FREM1: variants seen among roughly 807,000 people sequenced by gnomAD.
FREM1 encodes the protein FRAS1-related extracellular matrix protein 1.
Under a neutral mutation model 210.1 loss-of-function variants are expected in FREM1, and 220 were observed. The observed-to-expected ratio is 1.05, with a 90% CI of 0.94 to 1.17. The LOEUF (loss-of-function observed/expected upper bound fraction) is 1.17. Among genes scored for constraint, FREM1 ranks in the 50% most tolerant of loss-of-function variants. FREM1 has a pLI of 0.00. For missense variants in FREM1, 3,454 were observed against 2,675.5 expected, an observed-to-expected ratio of 1.29 and a Z score of -6.42; for synonymous variants, 1,189 against 980.2, an observed-to-expected ratio of 1.21 and a Z score of -3.98.
At chr9:14,755,570 C>G (rs1223361580) in intron 29 of FREM1, among the ~76,000 whole-genome samples, 1 of 152,218 alleles carries the variant, frequency 6.6e-6, no homozygotes, top group African/African-American at 2.4e-5. Flanking sequence ...GCAGAGCTAC[C>G]TGTCCCATCC....
Position 14,860,521 on chromosome 9 carries a change from C to T in FREM1, c.330-1037G>A, listed in dbSNP as rs75988783. On this transcript the variant is annotated intron_variant, in intron 3 of 36. Transcript: ENST00000380880. ...ATTTTTACTTTTAATTTTGTGGGTA[C>T]GTAGTAGGTATGTATATATATACAC... 5.9e-4 allele frequency among the ~76,000 whole-genome samples: 56 copies of T among 95,002 alleles called. 1 individual carries two copies. The East Asian group carries it at 0.014, about 23-fold the overall frequency. 62.3% of individuals were successfully genotyped at this position (95,002 alleles called of 152,430 possible).
At chr9:14,742,589 A>G (rs1841768914) in intron 35 of FREM1, among the ~76,000 whole-genome samples, 2 of 152,192 alleles carry the variant, frequency 1.3e-5, no homozygotes, top group Admixed American at 1.3e-4. Flanking sequence ...CCTTGTGGAA[A>G]TATGGGTGTT....
chr9:14,785,893 G>A (rs556714062), intron 23 of FREM1, among the ~76,000 whole-genome samples: 1 of 152,242 alleles, frequency 6.6e-6, no homozygotes, highest in South Asian at 2.1e-4. Context: ...CTTAAAAATG[G>A]TTAAGATGGT....
chr9:14,860,197 G>C (rs1829549212), intron 3 of FREM1, among the ~76,000 whole-genome samples: 1 of 152,034 alleles, frequency 6.6e-6, no homozygotes, highest in Non-Finnish European at 1.5e-5. Flanking sequence ...AAAAACCTAG[G>C]ATATCCAGAC....
intron 15 of FREM1, among the ~76,000 whole-genome samples, chr9:14,813,929 GA>G (rs1819845107): frequency 6.6e-6 from 1 of 152,126 alleles, no homozygotes; most frequent in South Asian, 2.1e-4. Context: ...GCCTTTCGGA[GA>G]CCTTCAGTGG....
intron 9 of FREM1, 109 bp from the exon 10 acceptor site, chr9:14,841,698 G>A: frequency 1.4e-6 from 1 of 701,764 alleles, no homozygotes; most frequent in Non-Finnish European, 2.1e-6. Context: ...TACATTCTAT[G>A]TACCCAAGGA....
At position 14,775,993 on chromosome 9, in the gene FREM1, C is replaced by T; in HGVS notation, c.4653G>A (p.Gln1551=). Residue 1551 remains glutamine (Q), a synonymous_variant, in exon 25 of 37, where the codon CAG becomes CAA. Transcript: ENST00000380880. Reference sequence around the variant, plus strand: ...TCCCCCACAGGTAGAGCTGGCCATGCTGGGGGAGCTGAACCAAGAGGAAGG... The same window carrying T: ...TCCCCCACAGGTAGAGCTGGCCATGTTGGGGGAGCTGAACCAAGAGGAAGG... The part of the protein sequence containing the change: ...NLTFLLVQLP[Q]HGQLYLWGTG... 1.2e-6 allele frequency: 2 copies of T among 1,613,984 alleles called. No individual in the cohort carries two copies. The highest frequency in any genetic ancestry group is 1.7e-6 in the Non-Finnish European group (2 of 1,179,872).
chr9:14,768,085 C>T (rs911408846), intron 27 of FREM1, among the ~76,000 whole-genome samples: 2 of 152,020 alleles, frequency 1.3e-5, no homozygotes, highest in Non-Finnish European at 2.9e-5. Context: ...AAAGCAATGT[C>T]CTTGATAGTG....
chr9:14,745,270 AG>A (rs779429630), intron 35 of FREM1, among the ~76,000 whole-genome samples: 2 of 152,220 alleles, frequency 1.3e-5, no homozygotes, highest in Non-Finnish European at 2.9e-5. Flanking sequence ...TTAAAATAAA[AG>A]TTTAAAAATT....
chr9:14,770,482 A>T (rs1409917084), intron 26 of FREM1, 123 bp downstream of exon 26: 1 of 671,904 alleles, frequency 1.5e-6, no homozygotes, highest in Non-Finnish European at 2.6e-6. Context: ...TATAAACTGC[A>T]TCTATCAGTA....
chr9:14,894,288 T>C (rs1588635041), intron 1 of FREM1, among the ~76,000 whole-genome samples: 1 of 152,252 alleles, frequency 6.6e-6, no homozygotes, highest in East Asian at 1.9e-4. Flanking sequence ...CTATAATTGT[T>C]ATGTAAAATT....
chr9:14,873,844 T>A (rs1833188853), intron 1 of FREM1, among the ~76,000 whole-genome samples: 1 of 152,242 alleles, frequency 6.6e-6, no homozygotes, highest in Non-Finnish European at 1.5e-5. Context: ...TTTGAATGTG[T>A]CCCAGAGATT....
intron 27 of FREM1, among the ~76,000 whole-genome samples, chr9:14,766,372 G>A (rs947787345): frequency 5.3e-5 from 8 of 152,110 alleles, no homozygotes; most frequent in African/African-American, 1.7e-4. Context: ...CTGCCTGTGT[G>A]TGGGGTGGCA....
At chr9:14,800,885 T>C (rs1263594684) in intron 20 of FREM1, among the ~76,000 whole-genome samples, 1 of 152,226 alleles carries the variant, frequency 6.6e-6, no homozygotes, top group Non-Finnish European at 1.5e-5. Context: ...GGTTAAATTA[T>C]TTTAAAATTT....
intron 24 of FREM1, 76 bp downstream of exon 24, chr9:14,784,294 G>T (rs535340631): frequency 1.5e-6 from 2 of 1,354,500 alleles, no homozygotes; most frequent in Admixed American, 3.7e-5. Context: ...TTACTATAGT[G>T]AAGCACATTA....
chr9:14,857,413 A>C (rs1828966009), intron 5 of FREM1, 140 bp downstream of exon 5: 5 of 778,692 alleles, frequency 6.4e-6, no homozygotes, highest in African/African-American at 1.7e-5. Flanking sequence ...ACAAGCCTGC[A>C]GTTCCAATGA....
chr9:14,800,503 T>A (rs1007259623), intron 20 of FREM1, among the ~76,000 whole-genome samples: 3 of 152,178 alleles, frequency 2.0e-5, no homozygotes, highest in Admixed American at 1.3e-4. Flanking sequence ...CTCTAAAGAG[T>A]AAATTATCCC....
chr9:14,805,909 T>G (rs1818262754), intron 18 of FREM1, among the ~76,000 whole-genome samples: 1 of 152,198 alleles, frequency 6.6e-6, no homozygotes, highest in Non-Finnish European at 1.5e-5. Context: ...TAATGTCATC[T>G]GCTTCAACAT....
intron 23 of FREM1, among the ~76,000 whole-genome samples, chr9:14,786,164 T>G (rs1337704178): frequency 6.6e-6 from 1 of 152,152 alleles, no homozygotes; most frequent in Admixed American, 6.5e-5. Context: ...AAATTACAAA[T>G]GAGGAAGCTA....
Sources: allele counts gnomAD v4.1 joint callset (sites outside exome capture counted in the v4.1 genomes callset), GRCh38; gene constraint gnomAD v4.1.1; transcripts MANE v1.5; gene names NCBI Gene and HGNC (gene_info 2026-07-23, HGNC 2026-07-21).